The following POLR3B variants were observed in gnomAD, a reference collection of about 807,000 sequenced individuals.
POLR3B encodes DNA-directed RNA polymerase III subunit RPC2.
In POLR3B, 96 loss-of-function variants were observed where a neutral mutation model predicts 147.4. The observed-to-expected ratio is 0.65, with a 90% CI of 0.55 to 0.77. The LOEUF (loss-of-function observed/expected upper bound fraction) is 0.77, where lower values mean the gene tolerates loss of function less well. Ranked by LOEUF, POLR3B falls within the 30% of genes least tolerant of loss-of-function variation. The pLI is 0.00. For missense variants in POLR3B, 1,036 were observed against 1,413.5 expected (o/e 0.73, Z 4.28); for synonymous variants, 461 against 485.9 (o/e 0.95, Z 0.67).
intron 1 of POLR3B, among the ~76,000 whole-genome samples, chr12:106,363,432 T>G (rs894917292): frequency 6.6e-6 from 1 of 152,208 alleles, no homozygotes; most frequent in African/African-American, 2.4e-5. Context: ...TCACCATATG[T>G]GTCATCCTTC....
chr12:106,432,419 T>C lies in POLR3B; in HGVS notation c.1566T>C (p.Asp522=), dbSNP rs2037522227. ...TAGCCAGTAACTTGGGAGTAGAAGA[T>C]GTGAATTTATTATGTGGGGAAGAGC... The part of the protein sequence containing the change: ...VKLASNLGVE[D]VNLLCGEELS... The change falls in exon 15 of 28, where the codon GAT becomes GAC. Residue 522 remains aspartate, a synonymous_variant. Transcript: ENST00000228347. 2 of 1,613,306 alleles carry C rather than the reference T, an allele frequency of 1.2e-6. No individual in the cohort carries two copies. Among genetic ancestry groups the C allele is most frequent in the Non-Finnish European group, 8.5e-7 (1 of 1,179,294 alleles).
intron 12 of POLR3B, among the ~76,000 whole-genome samples, chr12:106,426,353 G>A (rs191369239): frequency 2.1e-4 from 32 of 151,884 alleles, no homozygotes; most frequent in South Asian, 1.9e-3. Context: ...CTGGGTTCAA[G>A]CAGTTCTCTG....
At chr12:106,375,419 C>T (rs1237328763) in intron 6 of POLR3B, among the ~76,000 whole-genome samples, 12 of 152,106 alleles carry the variant, frequency 7.9e-5, no homozygotes. Context: ...CTCACCTATT[C>T]TGTGTATTTT....
intron 26 of POLR3B, among the ~76,000 whole-genome samples, chr12:106,502,736 G>A (rs1173787827): frequency 6.6e-6 from 1 of 152,132 alleles, no homozygotes; most frequent in East Asian, 1.9e-4. Context: ...TGCAAAGAGG[G>A]AAGAGAAGTT....
intron 19 of POLR3B, 24 bp from the exon 20 acceptor site, chr12:106,454,478 T>G (rs1389315035): frequency 9.0e-7 from 1 of 1,113,856 alleles, no homozygotes; most frequent in Non-Finnish European, 1.4e-6. Context: ...ATGTTGTATT[T>G]TGTTTTCTCC....
At chr12:106,392,081 A>G (rs2036921283) in intron 9 of POLR3B, among the ~76,000 whole-genome samples, 1 of 152,210 alleles carries the variant, frequency 6.6e-6, no homozygotes, top group South Asian at 2.1e-4. Context: ...TGGAATCTAC[A>G]AAGACTTGCG....
chr12:106,453,389 A>G (rs1025537286), intron 19 of POLR3B, among the ~76,000 whole-genome samples: 2 of 152,138 alleles, frequency 1.3e-5, no homozygotes, highest in African/African-American at 4.8e-5. Context: ...GTTAAAGGAA[A>G]TAAATACTGA....
At chr12:106,388,070 G>A (rs1324409994) in intron 9 of POLR3B, among the ~76,000 whole-genome samples, 7 of 152,142 alleles carry the variant, frequency 4.6e-5, no homozygotes, top group Admixed American at 2.0e-4. Context: ...GAACAGCAGG[G>A]TTTCCAGATT....
chr12:106,406,308 T>A (rs2037149992), intron 11 of POLR3B, among the ~76,000 whole-genome samples: 1 of 152,240 alleles, frequency 6.6e-6, no homozygotes, highest in Non-Finnish European at 1.5e-5. Flanking sequence ...GTTTTATAAA[T>A]AAATTAAAAT....
At chr12:106,357,993 G>T (rs533551371) in intron 1 of POLR3B, 42 bp downstream of exon 1, 8 of 1,604,878 alleles carry the variant, frequency 5.0e-6, no homozygotes, top group Admixed American at 3.4e-5. Context: ...ACAAGGATGC[G>T]CCCTGAGGGG....
chr12:106,471,455 C>T (rs1046581476), intron 23 of POLR3B, among the ~76,000 whole-genome samples: 6 of 152,136 alleles, frequency 3.9e-5, no homozygotes, highest in African/African-American at 1.4e-4. Flanking sequence ...CTTCAGCTTG[C>T]CTTCCGTGAG....
intron 23 of POLR3B, among the ~76,000 whole-genome samples, chr12:106,469,792 G>C (rs895142637): frequency 2.6e-5 from 4 of 152,178 alleles, no homozygotes; most frequent in Admixed American, 6.5e-5. Context: ...CTCTCTTCTG[G>C]CTTGTAGGGT....
At chr12:106,498,314 G>A (rs528147098) in intron 25 of POLR3B, among the ~76,000 whole-genome samples, 10 of 152,310 alleles carry the variant, frequency 6.6e-5, no homozygotes, top group African/African-American at 2.2e-4. Flanking sequence ...CCGGCAGCCC[G>A]AGGTGAGGGT....
chr12:106,487,496 G>A (rs567987302), intron 23 of POLR3B, among the ~76,000 whole-genome samples: 5 of 152,188 alleles, frequency 3.3e-5, no homozygotes, highest in Non-Finnish European at 7.3e-5. Flanking sequence ...AGCATTAAAT[G>A]TATTGTTCTG....
chr12:106,477,718 C>A (rs1310827819), intron 23 of POLR3B, among the ~76,000 whole-genome samples: 3 of 152,048 alleles, frequency 2.0e-5, no homozygotes, highest in Non-Finnish European at 4.4e-5. Context: ...CACCCTGCTT[C>A]GGCTCGCGCA....
Position 106,433,737 on chromosome 12 carries a change from T to A in POLR3B, c.1646T>A (p.Ile549Asn). Residue 549 changes from isoleucine to asparagine, a missense_variant, in exon 16 of 28, where the codon ATT becomes AAT. Ile to Asn is a moderately radical substitution (Grantham distance 149). This residue lies in a region of POLR3B where 177 missense variants were observed against 232.7 expected (regional missense o/e 0.76). Transcript: ENST00000228347. ...VFLNGNILGV[I>N]RDHKKLVNTF... is the part of the protein sequence containing the mutation. ...TGCCTAGGTAACATCTTAGGTGTCA[T>A]TCGAGACCACAAAAAGCTAGTGAAT... 1 of 1,613,572 alleles carries A rather than the reference T, an allele frequency of 6.2e-7. No individual in the cohort carries two copies. Among genetic ancestry groups the A allele is most frequent in the South Asian group, 1.1e-5 (1 of 91,070 alleles).
chr12:106,385,314 G>A (rs1238253545), intron 9 of POLR3B, among the ~76,000 whole-genome samples: 1 of 152,088 alleles, frequency 6.6e-6, no homozygotes, highest in African/African-American at 2.4e-5. Flanking sequence ...AATGATAACC[G>A]ATTGTATATA....
At chr12:106,461,803 C>T (rs1247301488) in intron 22 of POLR3B, among the ~76,000 whole-genome samples, 4 of 152,154 alleles carry the variant, frequency 2.6e-5, no homozygotes, top group African/African-American at 9.7e-5. Context: ...CTTAGCCTCC[C>T]ATCCTGCCTG....
intron 27 of POLR3B, chr12:106,507,815 A>G (rs2038713515): frequency 2.2e-6 from 1 of 455,840 alleles, no homozygotes; most frequent in Non-Finnish European, 4.4e-6. Flanking sequence ...TCTTTTCTAA[A>G]ATAATACAAG....
Sources: gnomAD v4.1 joint callset for allele counts (sites outside exome capture counted in the v4.1 genomes callset) on GRCh38, gnomAD v4.1.1 for gene constraint, gnomAD v4.1.1 regional missense constraint, MANE v1.5 for transcripts, NCBI Gene and HGNC (gene_info 2026-07-23, HGNC 2026-07-21) for gene names.